Variants in ROBO2 observed in about 807,000 individuals in gnomAD.
The protein encoded by ROBO2 is roundabout guidance receptor 2.
Under a neutral mutation model 160.8 loss-of-function variants are expected in ROBO2, and 53 were observed. The ratio of observed to expected loss-of-function variants is 0.33; its 90% CI spans 0.26 to 0.41. The LOEUF (loss-of-function observed/expected upper bound fraction) is 0.41, where lower values mean the gene tolerates loss of function less well. Ranked by LOEUF, ROBO2 falls within the 10% of genes least tolerant of loss-of-function variation. ROBO2 has a pLI of 1.00. For synonymous variants in ROBO2, 664 were observed against 611.7 expected (o/e 1.09, Z -1.26); for missense variants, 1,577 against 1,722.4 (o/e 0.92, Z 1.49).
intron 2 of ROBO2, among the ~76,000 whole-genome samples, chr3:76,240,870 C>T (rs536050038): frequency 6.6e-6 from 1 of 152,164 alleles, no homozygotes; most frequent in Admixed American, 6.5e-5. Context: ...ACTTCCAACT[C>T]TAAAATGTCA....
intron 2 of ROBO2, among the ~76,000 whole-genome samples, chr3:75,950,436 A>C (rs1379404766): frequency 6.6e-6 from 1 of 152,142 alleles, no homozygotes; most frequent in Non-Finnish European, 1.5e-5. Context: ...TATAAATAGA[A>C]TATGAAAATT....
intron 2 of ROBO2, among the ~76,000 whole-genome samples, chr3:77,366,149 A>G (rs2070836092): frequency 6.6e-6 from 1 of 152,270 alleles, no homozygotes; most frequent in Non-Finnish European, 1.5e-5. Context: ...TCACTCATCC[A>G]TGCATGGATC....
chr3:76,688,324 A>G (rs1298919627), intron 2 of ROBO2, among the ~76,000 whole-genome samples: 1 of 152,048 alleles, frequency 6.6e-6, no homozygotes, highest in African/African-American at 2.4e-5. Flanking sequence ...AAACATGGTT[A>G]GGTGATTTTT....
chr3:77,502,083 T>C (rs2087696910), intron 5 of ROBO2, among the ~76,000 whole-genome samples: 1 of 152,198 alleles, frequency 6.6e-6, no homozygotes, highest in Non-Finnish European at 1.5e-5. Flanking sequence ...ATACCTATAA[T>C]ATAAATATCA....
intron 2 of ROBO2, among the ~76,000 whole-genome samples, chr3:76,253,990 G>C (rs1015930026): frequency 6.6e-6 from 1 of 151,994 alleles, no homozygotes; most frequent in Admixed American, 6.6e-5. Context: ...GATGTAATGT[G>C]ATATGCTATG....
At chr3:77,439,196 A>G (rs2079644470) in intron 2 of ROBO2, among the ~76,000 whole-genome samples, 1 of 152,056 alleles carries the variant, frequency 6.6e-6, no homozygotes, top group Admixed American at 6.6e-5. Flanking sequence ...TTGTCCCTTA[A>G]ATTAATAGCA....
chr3:76,723,070 A>G (rs1304981719), intron 2 of ROBO2, among the ~76,000 whole-genome samples: 1 of 152,212 alleles, frequency 6.6e-6, no homozygotes, highest in African/African-American at 2.4e-5. Context: ...GATTACTTTT[A>G]AAGGTGAAAA....
At chr3:77,393,252 C>A (rs1275714787) in intron 2 of ROBO2, among the ~76,000 whole-genome samples, 1 of 151,962 alleles carries the variant, frequency 6.6e-6, no homozygotes, top group African/African-American at 2.4e-5. Context: ...TGTCCTTTTA[C>A]CTGCAAAGGT....
At chr3:77,568,277 T>A in intron 12 of ROBO2, 36 bp from the exon 14 acceptor site, 1 of 1,610,554 alleles carries the variant, frequency 6.2e-7, no homozygotes, top group Middle Eastern at 1.7e-4. Context: ...AATATGAATT[T>A]TTAAAGGTGG....
chr3:77,575,987 G>A (rs1156797537), intron 14 of ROBO2, among the ~76,000 whole-genome samples: 1 of 152,062 alleles, frequency 6.6e-6, no homozygotes, highest in Admixed American at 6.6e-5. Flanking sequence ...ATGATGAGCG[G>A]CGATTTGGGT....
At chr3:77,355,617 A>G (rs1259232059) in intron 2 of ROBO2, among the ~76,000 whole-genome samples, 2 of 152,110 alleles carry the variant, frequency 1.3e-5, no homozygotes, top group African/African-American at 4.8e-5. Flanking sequence ...AGGACAGATA[A>G]TTTTCTACTT....
chr3:77,481,281 T>C (rs1194336606), intron 4 of ROBO2, 62 bp downstream of exon 4: 1 of 1,363,834 alleles, frequency 7.3e-7, no homozygotes. Flanking sequence ...CTTTTAAGTA[T>C]TACTAACATT....
At chr3:77,475,459 G>A (rs1049339085) in intron 2 of ROBO2, among the ~76,000 whole-genome samples, 6 of 152,084 alleles carry the variant, frequency 3.9e-5, no homozygotes, top group African/African-American at 9.7e-5. Context: ...TTGGTGTAAC[G>A]TTGTATTTCT....
At chr3:75,964,010 A>T (rs1271075731) in intron 2 of ROBO2, among the ~76,000 whole-genome samples, 1 of 151,704 alleles carries the variant, frequency 6.6e-6, no homozygotes, top group East Asian at 2.0e-4. Context: ...TCACCGTATG[A>T]ATTTGGGGAG....
At chr3:77,200,271 AT>A (rs2082734809) in intron 2 of ROBO2, among the ~76,000 whole-genome samples, 6 of 12,000 alleles carry the variant, frequency 5.0e-4, no homozygotes. Context: ...CATATTTTAT[AT>A]ATATATATAT....
chr3:76,693,250 G>A (rs1486592752), intron 2 of ROBO2, among the ~76,000 whole-genome samples: 1 of 130,706 alleles, frequency 7.7e-6, no homozygotes, highest in Non-Finnish European at 1.6e-5. Flanking sequence ...ACATATATGT[G>A]TATATACATA....
chr3:75,920,298 G>A (rs543109610), intron 1 of ROBO2, among the ~76,000 whole-genome samples: 1 of 152,192 alleles, frequency 6.6e-6, no homozygotes, highest in South Asian at 2.1e-4. Flanking sequence ...CCAGTAGTCA[G>A]TCAGAAGCAG....
At chr3:76,902,803 G>A (rs1271471191) in intron 2 of ROBO2, among the ~76,000 whole-genome samples, 2 of 151,806 alleles carry the variant, frequency 1.3e-5, no homozygotes, top group Admixed American at 6.6e-5. Context: ...TAATCCTATC[G>A]TAAGGAGATT....
intron 2 of ROBO2, among the ~76,000 whole-genome samples, chr3:77,417,948 A>G (rs578070391): frequency 4.7e-4 from 72 of 152,070 alleles, no homozygotes; most frequent in African/African-American, 1.7e-3. Flanking sequence ...TCCTTTTTTA[A>G]GTTCTTATAT....
Sources: gnomAD v4.1 joint callset for allele counts (sites outside exome capture counted in the v4.1 genomes callset) on GRCh38, gnomAD v4.1.1 for gene constraint, MANE v1.5 for transcripts, NCBI Gene and HGNC (gene_info 2026-07-23, HGNC 2026-07-21) for gene names.